Variants in RFC3 observed in about 807,000 individuals in gnomAD.
The protein encoded by RFC3 is replication factor C subunit 3, also known as A1 38 kDa subunit.
RFC3 carries 41 observed loss-of-function variants against 45.1 expected under a neutral mutation model. The observed-to-expected ratio is 0.91, with a 90% CI of 0.71 to 1.18. RFC3 has a LOEUF of 1.18. RFC3 is among the 50% of genes most tolerant of loss of function. RFC3 has a pLI of 0.00. For missense variants in RFC3, 423 were observed against 428.1 expected (o/e 0.99, Z 0.10); for synonymous variants, 149 against 144.0 (o/e 1.03, Z -0.25).
chr13:33,856,656 T>C (rs1477862078), intron 8 of RFC3, among the ~76,000 whole-genome samples: 1 of 152,184 alleles, frequency 6.6e-6, no homozygotes, highest in African/African-American at 2.4e-5. Flanking sequence ...AAGATTTTCC[T>C]TTTCTCTCAG....
At chr13:33,819,423 AT>A (rs2081981295) in intron 1 of RFC3, among the ~76,000 whole-genome samples, 1 of 152,180 alleles carries the variant, frequency 6.6e-6, no homozygotes, top group Non-Finnish European at 1.5e-5. Context: ...TTTTTGCCCA[AT>A]ACCCTGGTTT....
chr13:33,837,035 C>T lies in RFC3; in HGVS notation c.*740C>T. On this transcript the variant is annotated 3_prime_UTR_variant, in exon 9 of 9. Transcript: ENST00000380071. Reference sequence around the variant, plus strand: ...TTAATTAAATATTTTGGTTCATGGACCAAAGGGTTTACTTGACAAATTTGT... The same window carrying T: ...TTAATTAAATATTTTGGTTCATGGATCAAAGGGTTTACTTGACAAATTTGT... 1.0e-6 allele frequency: 1 copy of T among 984,658 alleles called. No individual in the cohort carries two copies. Among genetic ancestry groups the T allele is most frequent in the Non-Finnish European group, 1.2e-6 (1 of 829,346 alleles). 61.0% of individuals were successfully genotyped at this position (984,658 alleles called of 1,614,324 possible). A position where few individuals can be genotyped will look rare whatever the true frequency, so the allele number is the denominator to read the frequency against.
chr13:33,825,812 TA>T lies in RFC3; in HGVS notation c.318del (p.Val107SerfsTer6). The T allele has an allele frequency of 6.2e-7, 1 of 1,601,118 alleles. No homozygotes were observed. Among genetic ancestry groups the T allele is most frequent in the Non-Finnish European group, 8.5e-7 (1 of 1,173,336 alleles). On this transcript the variant is annotated frameshift_variant, in exon 4 of 9. Coordinates refer to ENST00000380071, the MANE Select transcript of RFC3 (RefSeq NM_002915.4). LOFTEE classifies it high-confidence loss of function. ...NPSDAGNSDR[V>X]VIQEMLKTVA... ...AGTGATGCTGGAAATAGTGACCGAGTAGTCATTCAGGAGATGTTGAAAACAG... is the reference window on the plus strand; with the variant it reads ...AGTGATGCTGGAAATAGTGACCGAGTGTCATTCAGGAGATGTTGAAAACAG...
At chr13:33,872,802 C>CCA (rs1555235501) in intron 8 of RFC3, among the ~76,000 whole-genome samples, 1 of 133,338 alleles carries the variant, frequency 7.5e-6, no homozygotes, top group African/African-American at 2.9e-5. Context: ...ACCCCCCCCC[C>CCA]CAAAATACAT....
At chr13:33,823,839 G>T in intron 2 of RFC3, 78 bp from the exon 3 acceptor site, 1 of 718,230 alleles carries the variant, frequency 1.4e-6, no homozygotes, top group Non-Finnish European at 2.3e-6. Flanking sequence ...GTAATAAAAG[G>T]AAAACCAATG....
downstream of RFC3, among the ~76,000 whole-genome samples, chr13:33,841,305 C>T (rs2082196652): frequency 6.6e-6 from 1 of 152,212 alleles, no homozygotes; most frequent in Non-Finnish European, 1.5e-5. Flanking sequence ...TAAATCATAA[C>T]TGCATAAAAT....
intron 8 of RFC3, among the ~76,000 whole-genome samples, chr13:33,959,723 C>T (rs1278989281): frequency 1.3e-5 from 2 of 152,188 alleles, no homozygotes; most frequent in East Asian, 1.9e-4. Flanking sequence ...TCCTCTACCA[C>T]CAAGGTATGG....
chr13:33,868,481 G>A (rs1224929918), intron 8 of RFC3, among the ~76,000 whole-genome samples: 1 of 152,178 alleles, frequency 6.6e-6, no homozygotes, highest in East Asian at 1.9e-4. Flanking sequence ...ACCTTTGATT[G>A]GTTCCCTCCT....
At chr13:33,829,067 C>CTT (rs1427872488) in intron 4 of RFC3, among the ~76,000 whole-genome samples, 1 of 152,146 alleles carries the variant, frequency 6.6e-6, no homozygotes, top group East Asian at 1.9e-4. Flanking sequence ...GTTTTGGAAT[C>CTT]TTTAGTTGTT....
At chr13:33,885,585 A>G (rs1484642723) in intron 8 of RFC3, among the ~76,000 whole-genome samples, 1 of 152,256 alleles carries the variant, frequency 6.6e-6, no homozygotes, top group Non-Finnish European at 1.5e-5. Context: ...AATAAAAATT[A>G]AGTATAATTA....
At chr13:33,882,509 CT>C (rs2082491675) in intron 8 of RFC3, among the ~76,000 whole-genome samples, 1 of 152,110 alleles carries the variant, frequency 6.6e-6, no homozygotes, top group African/African-American at 2.4e-5. Flanking sequence ...GATTAGTGCC[CT>C]TATAAGAAGA....
At chr13:33,837,891 T>G (rs1210204318), downstream of RFC3, among the ~76,000 whole-genome samples, 2 of 152,090 alleles carry the variant, frequency 1.3e-5, no homozygotes, top group Non-Finnish European at 2.9e-5. Context: ...TGTTGATATT[T>G]TAGGTTTTCA....
intron 8 of RFC3, among the ~76,000 whole-genome samples, chr13:33,843,486 A>G (rs2082215091): frequency 6.6e-6 from 1 of 152,204 alleles, no homozygotes; most frequent in African/African-American, 2.4e-5. Flanking sequence ...TCTTTAATAT[A>G]GCAGCACCAG....
intron 8 of RFC3, 79 bp downstream of exon 8, chr13:33,835,296 G>T: frequency 2.3e-6 from 2 of 860,826 alleles, no homozygotes; most frequent in Admixed American, 1.7e-5. Flanking sequence ...GCTTTTTGCA[G>T]TATCAAGATA....
intron 8 of RFC3, among the ~76,000 whole-genome samples, chr13:33,931,803 T>C (rs2082854253): frequency 6.6e-6 from 1 of 152,168 alleles, no homozygotes; most frequent in Non-Finnish European, 1.5e-5. Context: ...TATAGTCACC[T>C]ACGTTTGCTT....
chr13:33,851,112 G>T (rs1239090712), intron 8 of RFC3, among the ~76,000 whole-genome samples: 1 of 152,158 alleles, frequency 6.6e-6, no homozygotes, highest in African/African-American at 2.4e-5. Context: ...AGAGCATAAT[G>T]CTTTGTTGAT....
intron 8 of RFC3, among the ~76,000 whole-genome samples, chr13:33,904,509 C>G (rs1168024763): frequency 6.6e-6 from 1 of 152,020 alleles, no homozygotes; most frequent in East Asian, 1.9e-4. Context: ...CTACTGTTAA[C>G]TCTCTTCTAA....
At chr13:33,848,208 A>T (rs1204517606) in intron 8 of RFC3, 1 of 152,026 alleles carries the variant, frequency 6.6e-6, no homozygotes, top group Admixed American at 6.6e-5. Flanking sequence ...CCCAAAGTAG[A>T]CCTTTCCCAT....
intron 8 of RFC3, among the ~76,000 whole-genome samples, chr13:33,926,460 A>G (rs1566031371): frequency 6.6e-6 from 1 of 152,078 alleles, no homozygotes; most frequent in Non-Finnish European, 1.5e-5. Context: ...ATATTCCCCA[A>G]TAGTTTAAAA....
Sources: allele counts gnomAD v4.1 joint callset (sites outside exome capture counted in the v4.1 genomes callset), GRCh38; gene constraint gnomAD v4.1.1; transcripts MANE v1.5; gene names NCBI Gene and HGNC (gene_info 2026-07-23, HGNC 2026-07-21).